The following CAMKMT variants were observed in gnomAD, a reference collection of about 807,000 sequenced individuals.
CAMKMT encodes calmodulin-lysine N-methyltransferase, also known as CaM KMT.
A neutral mutation model predicts 48.0 loss-of-function variants in CAMKMT; 53 were observed. The ratio of observed to expected loss-of-function variants is 1.10; its 90% CI spans 0.89 to 1.39. The LOEUF (loss-of-function observed/expected upper bound fraction) is 1.39, where lower values mean the gene tolerates loss of function less well. CAMKMT is among the 40% of genes most tolerant of loss of function. The pLI, the probability that CAMKMT is intolerant of heterozygous loss-of-function variation, is 0.00. For synonymous variants in CAMKMT, 165 were observed against 152.3 expected (o/e 1.08, Z -0.61); for missense variants, 428 against 402.7 (o/e 1.06, Z -0.54).
At chr2:44,386,898 T>G (rs1209194890) in intron 2 of CAMKMT, among the ~76,000 whole-genome samples, 4 of 152,174 alleles carry the variant, frequency 2.6e-5, no homozygotes, top group Non-Finnish European at 4.4e-5. Context: ...ATAATTCCAG[T>G]TTTCTTAAAT....
At chr2:44,380,501 A>G (rs1483321962) in intron 2 of CAMKMT, among the ~76,000 whole-genome samples, 2 of 152,134 alleles carry the variant, frequency 1.3e-5, no homozygotes, top group Non-Finnish European at 2.9e-5. Flanking sequence ...TAGTTGAAAA[A>G]CTAAGACTAG....
At chr2:44,750,502 A>C (rs1680108155) in intron 8 of CAMKMT, among the ~76,000 whole-genome samples, 1 of 152,194 alleles carries the variant, frequency 6.6e-6, no homozygotes, top group African/African-American at 2.4e-5. Context: ...ATTTTTATTA[A>C]GTAGAAGACA....
At chr2:44,390,611 T>G (rs565963463) in intron 3 of CAMKMT, among the ~76,000 whole-genome samples, 1 of 152,044 alleles carries the variant, frequency 6.6e-6, no homozygotes, top group African/African-American at 2.4e-5. Context: ...GTACTGTCCC[T>G]TTTATTTTTG....
At chr2:44,757,163 A>G (rs1286505911) in intron 9 of CAMKMT, among the ~76,000 whole-genome samples, 1 of 152,196 alleles carries the variant, frequency 6.6e-6, no homozygotes, top group Non-Finnish European at 1.5e-5. Context: ...AGAACTTATC[A>G]AGGTTAATCC....
chr2:44,754,068 C>A lies in CAMKMT; in HGVS notation c.712C>A (p.Gln238Lys). The change falls in exon 9 of 11, where the codon CAG becomes AAG. Residue 238 changes from glutamine (Q) to lysine (K), a missense_variant. Coordinates refer to ENST00000378494, the MANE Select transcript of CAMKMT (RefSeq NM_024766.5). ...VMCADCLFLD[Q>K]YRASLVDAIK... ...TCTCAATGTCAGCCTGTTTCTGGAC[C>A]AGTACAGAGCCAGCCTTGTTGATGC... 1.2e-6 allele frequency: 2 copies of A among 1,613,730 alleles called. No homozygotes were observed. The highest frequency in any genetic ancestry group is 1.7e-6 in the Non-Finnish European group (2 of 1,179,762).
intron 3 of CAMKMT, among the ~76,000 whole-genome samples, chr2:44,656,221 T>C (rs1434625258): frequency 1.3e-5 from 2 of 152,230 alleles, no homozygotes; most frequent in Non-Finnish European, 2.9e-5. Flanking sequence ...ATGTTATTTA[T>C]TGGAAATATT....
rs748393973 is a variant in CAMKMT, at chr2:44,425,731, CT to C, written c.376+35440del. Among the ~76,000 whole-genome samples the C allele has an allele frequency of 2.1e-3, 296 of 143,406 alleles. 1 individual carries two copies. The highest frequency in any genetic ancestry group is 7.2e-3 in the Middle Eastern group (2 of 276). The allele number at this position is 143,406 out of a possible 152,430, so 94.1% of individuals were successfully genotyped here. A position where few individuals can be genotyped will look rare whatever the true frequency, so the allele number is the denominator to read the frequency against. On this transcript the variant is annotated intron_variant, in intron 3 of 10. Transcript: ENST00000378494. ...TCTCTGGTTCTATGTAGTATTCTATCTTTTTTTTTTTTTTCCGAGACAGAGT... is the reference window on the plus strand; with the variant it reads ...TCTCTGGTTCTATGTAGTATTCTATCTTTTTTTTTTTTTCCGAGACAGAGT...
intron 8 of CAMKMT, among the ~76,000 whole-genome samples, chr2:44,748,602 GT>G (rs1680016799): frequency 6.6e-6 from 1 of 152,134 alleles, no homozygotes; most frequent in Admixed American, 6.5e-5. Context: ...GCCAGACGCG[GT>G]GGCTCATGCC....
At chr2:44,422,784 T>C (rs1451191366) in intron 3 of CAMKMT, among the ~76,000 whole-genome samples, 1 of 152,178 alleles carries the variant, frequency 6.6e-6, no homozygotes, top group African/African-American at 2.4e-5. Flanking sequence ...CTCACAAAGT[T>C]TTGTCTCCCA....
intron 3 of CAMKMT, among the ~76,000 whole-genome samples, chr2:44,462,706 G>T (rs561204009): frequency 1.3e-5 from 2 of 151,914 alleles, no homozygotes; most frequent in Non-Finnish European, 2.9e-5. Flanking sequence ...CATTGCTTAG[G>T]GAGTATCTGT....
At chr2:44,691,364 G>C (rs1023970357) in intron 3 of CAMKMT, among the ~76,000 whole-genome samples, 1 of 152,228 alleles carries the variant, frequency 6.6e-6, no homozygotes, top group Non-Finnish European at 1.5e-5. Flanking sequence ...CCTGAAGGCT[G>C]TCTTCCCCTC....
At chr2:44,622,745 G>A (rs1373275080) in intron 3 of CAMKMT, among the ~76,000 whole-genome samples, 4 of 152,192 alleles carry the variant, frequency 2.6e-5, no homozygotes, top group Admixed American at 2.6e-4. Context: ...ACTGTTGATG[G>A]GCTGGTTTGA....
intron 3 of CAMKMT, among the ~76,000 whole-genome samples, chr2:44,676,142 C>T (rs1391030593): frequency 3.3e-5 from 5 of 152,208 alleles, no homozygotes; most frequent in African/African-American, 7.2e-5. Flanking sequence ...TGAGGTTGCA[C>T]AGCTTTTCCC....
intron 3 of CAMKMT, among the ~76,000 whole-genome samples, chr2:44,563,835 G>A (rs7605256): frequency 0.56 from 85,421 of 151,938 alleles, 25,085 homozygotes; most frequent in Middle Eastern, 0.66. Flanking sequence ...ATAGTATTCC[G>A]TGGTGTATAT....
chr2:44,619,452 T>A (rs972868961), intron 3 of CAMKMT, among the ~76,000 whole-genome samples: 2 of 116,180 alleles, frequency 1.7e-5, no homozygotes, highest in Non-Finnish European at 3.9e-5. Context: ...TAATTTTAGC[T>A]GATTATGTGT....
At chr2:44,585,448 C>T (rs1377663270) in intron 3 of CAMKMT, among the ~76,000 whole-genome samples, 1 of 152,190 alleles carries the variant, frequency 6.6e-6, no homozygotes, top group African/African-American at 2.4e-5. Flanking sequence ...AGGAAGTGGC[C>T]TGCTTCTCTG....
At chr2:44,747,348 C>G (rs1203341824) in intron 8 of CAMKMT, among the ~76,000 whole-genome samples, 1 of 152,158 alleles carries the variant, frequency 6.6e-6, no homozygotes, top group Non-Finnish European at 1.5e-5. Flanking sequence ...CTTTCAGATG[C>G]TGTGATCATG....
At chr2:44,463,092 A>C (rs1256437668) in intron 3 of CAMKMT, among the ~76,000 whole-genome samples, 2 of 152,352 alleles carry the variant, frequency 1.3e-5, no homozygotes, top group East Asian at 3.9e-4. Flanking sequence ...GTAGTATTGT[A>C]GTACTTACAG....
chr2:44,694,469 G>C (rs1221009735), intron 3 of CAMKMT, among the ~76,000 whole-genome samples: 31 of 152,124 alleles, frequency 2.0e-4, no homozygotes, highest in Admixed American at 2.0e-3. Flanking sequence ...ACCTACTTGG[G>C]AGAGAATCAC....
Sources: allele counts gnomAD v4.1 joint callset (sites outside exome capture counted in the v4.1 genomes callset), GRCh38; gene constraint gnomAD v4.1.1; transcripts MANE v1.5; gene names NCBI Gene and HGNC (gene_info 2026-07-23, HGNC 2026-07-21).